DOCK4: variants seen among roughly 807,000 people sequenced by gnomAD.
The protein encoded by DOCK4 is dedicator of cytokinesis protein 4.
A neutral mutation model predicts 268.1 loss-of-function variants in DOCK4; 97 were observed. The ratio of observed to expected loss-of-function variants is 0.36; its 90% confidence interval spans 0.31 to 0.43. The LOEUF (loss-of-function observed/expected upper bound fraction) is 0.43, where lower values mean the gene tolerates loss of function less well. Ranked by LOEUF, DOCK4 falls within the 20% of genes least tolerant of loss-of-function variation. The probability of loss-of-function intolerance (pLI) is 1.00; values close to 1 mark genes in which losing one functional copy is unlikely to be tolerated. For missense variants in DOCK4, 2,145 were observed against 2,455.7 expected (o/e 0.87, Z 2.67); for synonymous variants, 954 against 887.2 (o/e 1.08, Z -1.34).
intron 13 of DOCK4, among the ~76,000 whole-genome samples, chr7:111,908,461 A>AAATAATAATAATAATAATAATAATAAT (rs3055494): frequency 1.1e-3 from 165 of 150,226 alleles, no homozygotes; most frequent in African/African-American, 3.2e-3. Flanking sequence ...AAAATAAATA[A>AAATAATAATAATAATAATAATAATAAT]AATAATAATA....
At chr7:111,895,515 T>C (rs980873076) in intron 16 of DOCK4, 97 bp downstream of exon 16, 1 of 1,032,402 alleles carries the variant, frequency 9.7e-7, no homozygotes, top group Non-Finnish European at 1.5e-6. Context: ...GAATATTCAT[T>C]TCAGTCATTT....
At chr7:111,859,562 A>ATT (rs140285833) in intron 23 of DOCK4, among the ~76,000 whole-genome samples, 82 of 102,078 alleles carry the variant, frequency 8.0e-4, no homozygotes, top group Admixed American at 1.2e-3. Context: ...GTGTGTGTTA[A>ATT]TTTTTTTTTT....
intron 27 of DOCK4, among the ~76,000 whole-genome samples, chr7:111,814,946 G>A (rs753643662): frequency 1.8e-4 from 28 of 152,194 alleles, no homozygotes; most frequent in Middle Eastern, 3.4e-3. Flanking sequence ...AAAGTGACAC[G>A]ATGACTTTCA....
chr7:112,031,867 A>C (rs1803306718), intron 1 of DOCK4, among the ~76,000 whole-genome samples: 1 of 152,216 alleles, frequency 6.6e-6, no homozygotes, highest in Admixed American at 6.5e-5. Context: ...GAAATACTGA[A>C]AGATACATGC....
In DOCK4 at chr7:112,040,946, T is replaced by C. The variant is rs192187988; in HGVS notation, c.38-36815A>G. ...AAAAAGTCTAAGTATATGCAGTGTC[T>C]AAAGTAGTTATCTCTGGATGACGGA... On this transcript the variant is annotated intron_variant, in intron 1 of 52. Coordinates refer to ENST00000428084, the MANE Select transcript of DOCK4 (RefSeq NM_001363540.2). Among the ~76,000 whole-genome samples the C allele has an allele frequency of 6.9e-4, 105 of 152,336 alleles. 1 individual carries two copies. Among genetic ancestry groups the C allele is most frequent in the Middle Eastern group, 6.8e-3 (2 of 294 alleles).
At chr7:111,815,697 G>T (rs1311755460) in intron 27 of DOCK4, among the ~76,000 whole-genome samples, 2 of 121,594 alleles carry the variant, frequency 1.6e-5, no homozygotes, top group Non-Finnish European at 3.2e-5. Flanking sequence ...TCTTTCTGAC[G>T]GAGTCTCCCT....
chr7:111,760,487 T>C (rs1246091951), intron 39 of DOCK4, among the ~76,000 whole-genome samples, 165 bp from the exon 40 acceptor site: 1 of 152,268 alleles, frequency 6.6e-6, no homozygotes, highest in Middle Eastern at 3.4e-3. Flanking sequence ...TTGTTAAAAA[T>C]GCAGATAAAG....
At chr7:112,197,000 T>G (rs1254009371) in intron 1 of DOCK4, among the ~76,000 whole-genome samples, 1 of 152,162 alleles carries the variant, frequency 6.6e-6, no homozygotes, top group African/African-American at 2.4e-5. Context: ...GCCGTACCAC[T>G]GAAAACCAAG....
At chr7:111,806,830 G>C (rs1800711275) in intron 30 of DOCK4, among the ~76,000 whole-genome samples, 1 of 152,226 alleles carries the variant, frequency 6.6e-6, no homozygotes, top group South Asian at 2.1e-4. Context: ...CTGCATTATA[G>C]GTATTGATAT....
chr7:111,741,060 A>G, intron 47 of DOCK4, 34 bp downstream of exon 47: 1 of 1,611,816 alleles, frequency 6.2e-7, no homozygotes, highest in Non-Finnish European at 8.5e-7. Flanking sequence ...CAGAAAAGGA[A>G]TAAACACAAC....
intron 1 of DOCK4, among the ~76,000 whole-genome samples, chr7:112,113,801 G>C (rs1811885665): frequency 9.5e-6 from 1 of 105,368 alleles, no homozygotes; most frequent in African/African-American, 3.7e-5. Context: ...TTGCTGTGTT[G>C]TTAGGCTGTT....
intron 37 of DOCK4, among the ~76,000 whole-genome samples, chr7:111,768,780 A>G (rs1585926092): frequency 6.6e-6 from 1 of 152,266 alleles, no homozygotes; most frequent in Admixed American, 6.5e-5. Flanking sequence ...ATAATGGAGC[A>G]GAATGCATGC....
intron 12 of DOCK4, among the ~76,000 whole-genome samples, chr7:111,930,866 C>A (rs76718206): frequency 0.014 from 2,102 of 152,290 alleles, 55 homozygotes; most frequent in African/African-American, 0.048. Context: ...TCTACGTAGA[C>A]TGAAGGGTGG....
intron 45 of DOCK4, 130 bp downstream of exon 45, chr7:111,741,883 G>A: frequency 7.5e-7 from 1 of 1,334,150 alleles, no homozygotes; most frequent in Non-Finnish European, 1.0e-6. Flanking sequence ...TGTATTTGAG[G>A]GCTCCCTGGT....
At chr7:111,737,586 G>C (rs1452351060) in intron 49 of DOCK4, among the ~76,000 whole-genome samples, 2 of 152,130 alleles carry the variant, frequency 1.3e-5, no homozygotes, top group Admixed American at 6.5e-5. Flanking sequence ...TGAAATAATT[G>C]ATAGTCTACA....
intron 37 of DOCK4, among the ~76,000 whole-genome samples, chr7:111,768,435 C>G (rs1016634141): frequency 6.6e-6 from 1 of 152,084 alleles, no homozygotes; most frequent in Non-Finnish European, 1.5e-5. Context: ...TTACGTGTAC[C>G]CAATTATATT....
At chr7:112,148,351 C>T (rs1815715059) in intron 1 of DOCK4, among the ~76,000 whole-genome samples, 1 of 152,072 alleles carries the variant, frequency 6.6e-6, no homozygotes, top group African/African-American at 2.4e-5. Flanking sequence ...AGAACCAACC[C>T]CCTTTGGAAA....
intron 30 of DOCK4, among the ~76,000 whole-genome samples, chr7:111,795,131 C>T (rs1022759508): frequency 3.9e-5 from 6 of 152,146 alleles, no homozygotes; most frequent in Non-Finnish European, 8.8e-5. Context: ...CCTCACTCTA[C>T]TGCCCCAGCC....
At chr7:112,036,916 C>T (rs995885875) in intron 1 of DOCK4, among the ~76,000 whole-genome samples, 8 of 152,154 alleles carry the variant, frequency 5.3e-5, no homozygotes, top group African/African-American at 1.9e-4. Flanking sequence ...CCGCCTTTGC[C>T]TCCCATAGTG....
Sources: allele counts gnomAD v4.1 joint callset (sites outside exome capture counted in the v4.1 genomes callset), GRCh38; gene constraint gnomAD v4.1.1; transcripts MANE v1.5; gene names NCBI Gene and HGNC (gene_info 2026-07-23, HGNC 2026-07-21).